Variants in SLC20A2 observed in about 807,000 individuals in gnomAD.
SLC20A2 encodes solute carrier family 20 member 2, also known as sodium-dependent phosphate transporter 2.
SLC20A2 carries 30 observed loss-of-function variants against 61.0 expected under a neutral mutation model. That is an observed-to-expected ratio of 0.49 (90% CI 0.37 to 0.67). SLC20A2 has a LOEUF of 0.67. Ranked by LOEUF, SLC20A2 falls within the 30% of genes least tolerant of loss-of-function variation. SLC20A2 has a pLI of 0.00. For synonymous variants in SLC20A2, 351 were observed against 353.3 expected (o/e 0.99, Z 0.07); for missense variants, 626 against 866.4 (o/e 0.72, Z 3.48).
Position 42,465,801 on chromosome 8 carries a change from G to A in SLC20A2, c.406C>T (p.Gln136Ter), listed in dbSNP as rs761822058. 6.2e-7 allele frequency: 1 copy of A among 1,610,012 alleles called. No individual in the cohort carries two copies. Among genetic ancestry groups the A allele is most frequent in the Non-Finnish European group, 8.5e-7 (1 of 1,178,368 alleles). ...SLVAIGTKGV[Q>*]WMELVKIVAS... Reference sequence around the variant, plus strand: ...CCAATCTTGACAAGCTCCATCCACTGCACACCTTTGGTACCGATTGCGACC... The same window carrying A: ...CCAATCTTGACAAGCTCCATCCACTACACACCTTTGGTACCGATTGCGACC... The change falls in exon 3 of 11, where the codon CAG becomes TAG. Residue 136 changes from glutamine to a stop codon, truncating the protein, a stop_gained. Transcript: ENST00000520262. LOFTEE classifies it high-confidence loss of function.
intron 1 of SLC20A2, among the ~76,000 whole-genome samples, chr8:42,481,286 T>G (rs1307405945): frequency 6.6e-6 from 1 of 152,194 alleles, no homozygotes; most frequent in East Asian, 1.9e-4. Flanking sequence ...GCTGCGTCAC[T>G]GAAAGTAGAT....
intron 10 of SLC20A2, 79 bp from the exon 11 acceptor site, chr8:42,418,046 A>C: frequency 5.4e-5 from 64 of 1,188,302 alleles, no homozygotes; most frequent in Middle Eastern, 2.8e-4. Context: ...GGCTAATCTC[A>C]GAAACAAGCT....
chr8:42,439,386 C>G (rs1030181118), intron 7 of SLC20A2, 64 bp downstream of exon 7: 2 of 1,519,974 alleles, frequency 1.3e-6, no homozygotes, highest in Non-Finnish European at 1.8e-6. Context: ...CCAGGCCCAG[C>G]TGGTCCTCCC....
intron 1 of SLC20A2, among the ~76,000 whole-genome samples, chr8:42,510,929 A>G (rs1418509181): frequency 1.3e-5 from 2 of 151,950 alleles, no homozygotes; most frequent in Non-Finnish European, 2.9e-5. Flanking sequence ...TTTTATATGT[A>G]AGCTATATAA....
intron 1 of SLC20A2, among the ~76,000 whole-genome samples, chr8:42,533,449 C>A (rs1383462625): frequency 6.6e-6 from 1 of 151,976 alleles, no homozygotes; most frequent in Non-Finnish European, 1.5e-5. Context: ...AACCCCGTCT[C>A]TACTAAAAAT....
At chr8:42,432,240 A>G (rs958382943) in intron 8 of SLC20A2, among the ~76,000 whole-genome samples, 23 of 152,210 alleles carry the variant, frequency 1.5e-4, no homozygotes, top group Non-Finnish European at 7.3e-5. Flanking sequence ...GCTGATTCCA[A>G]CTCTCACAGA....
At chr8:42,439,413 G>A (rs1804585340) in intron 7 of SLC20A2, 37 bp downstream of exon 7, 1 of 1,606,512 alleles carries the variant, frequency 6.2e-7, no homozygotes, top group South Asian at 1.1e-5. Context: ...ACTTCTCTGT[G>A]CTGCCACAGA....
intron 8 of SLC20A2, among the ~76,000 whole-genome samples, chr8:42,431,370 G>GAGAAC (rs1803858796): frequency 6.6e-6 from 1 of 152,158 alleles, no homozygotes; most frequent in South Asian, 2.1e-4. Flanking sequence ...CAAGGCCCTA[G>GAGAAC]TTCTCTTCAA....
intron 8 of SLC20A2, among the ~76,000 whole-genome samples, chr8:42,433,654 C>T (rs1804033471): frequency 1.3e-5 from 2 of 152,202 alleles, no homozygotes; most frequent in Non-Finnish European, 2.9e-5. Context: ...GCCTAATGTC[C>T]TCCAGGTTCA....
intron 1 of SLC20A2, among the ~76,000 whole-genome samples, chr8:42,482,756 T>C (rs190334788): frequency 8.5e-4 from 129 of 152,186 alleles, no homozygotes; most frequent in African/African-American, 2.9e-3. Flanking sequence ...CTGGGCACGA[T>C]GGCTTATGCC....
intron 1 of SLC20A2, among the ~76,000 whole-genome samples, chr8:42,517,616 C>T (rs1297174860): frequency 1.3e-5 from 2 of 152,136 alleles, no homozygotes; most frequent in Non-Finnish European, 2.9e-5. Context: ...ATGAAGCCCA[C>T]CATGGTCCTT....
chr8:42,535,589 T>C (rs1374016884), intron 1 of SLC20A2, among the ~76,000 whole-genome samples: 3 of 152,220 alleles, frequency 2.0e-5, no homozygotes, highest in East Asian at 3.8e-4. Flanking sequence ...AACTACTGAA[T>C]TGATGACTTG....
intron 5 of SLC20A2, among the ~76,000 whole-genome samples, chr8:42,445,344 G>A (rs1805129520): frequency 6.6e-6 from 1 of 151,676 alleles, no homozygotes; most frequent in Non-Finnish European, 1.5e-5. Flanking sequence ...TAACAACTGG[G>A]CACAAACAGC....
intron 5 of SLC20A2, among the ~76,000 whole-genome samples, chr8:42,454,444 C>T (rs534264130): frequency 6.6e-6 from 1 of 152,198 alleles, no homozygotes; most frequent in East Asian, 1.9e-4. Flanking sequence ...GTCCCTCGAA[C>T]GGAGATGCTA....
intron 1 of SLC20A2, among the ~76,000 whole-genome samples, chr8:42,479,717 C>T (rs1238700053): frequency 6.6e-6 from 1 of 151,934 alleles, no homozygotes; most frequent in Non-Finnish European, 1.5e-5. Flanking sequence ...CCCAGCCACT[C>T]GGGAGGCTGA....
chr8:42,468,424 G>A (rs563032692), intron 2 of SLC20A2, among the ~76,000 whole-genome samples: 2 of 152,298 alleles, frequency 1.3e-5, no homozygotes, highest in Admixed American at 6.5e-5. Context: ...AGGGAGGGGA[G>A]GAGACAGGGG....
chr8:42,472,363 C>T lies in SLC20A2; in HGVS notation c.28G>A (p.Val10Ile), dbSNP rs1807711164. 6.2e-7 allele frequency: 1 copy of T among 1,613,944 alleles called. No homozygotes were observed. ...AAAGCTATGATGAAACCCAAAATGA[C>T]CATCCACAAATACTCATCCATGGCC... MAMDEYLWM[V>I]ILGFIIAFIL... The change falls in exon 2 of 11, where the codon GTC (valine) becomes ATC (isoleucine). Residue 10 changes from valine to isoleucine, a missense_variant. Physicochemically the swap from Val to Ile is conservative, Grantham distance 29. Transcript: ENST00000520262. The surrounding 1 kb of genome is among the most constrained non-coding windows in gnomAD (Gnocchi z 4.1).
chr8:42,453,932 T>G (rs1308400000), intron 5 of SLC20A2, among the ~76,000 whole-genome samples: 1 of 152,228 alleles, frequency 6.6e-6, no homozygotes, highest in African/African-American at 2.4e-5. Flanking sequence ...ACGGTTGGCC[T>G]TCTCCGTCCA....
Position 42,472,337 on chromosome 8 carries a change from G to A in SLC20A2, c.54C>T (p.Phe18=). 6.2e-7 allele frequency: 1 copy of A among 1,614,202 alleles called. No individual in the cohort carries two copies. The change falls in exon 2 of 11, where the codon TTC becomes TTT. Residue 18 remains phenylalanine, a synonymous_variant. Transcript: ENST00000520262. This position sits in a 1 kb window ranked among gnomAD's most constrained non-coding sequence, Gnocchi z 4.1. ...WMVILGFIIA[F]ILAFSVGAND... ...TTGCACCAACAGAAAAGGCCAAGAT[G>A]AAAGCTATGATGAAACCCAAAATGA...
Sources: gnomAD v4.1 joint callset for allele counts (sites outside exome capture counted in the v4.1 genomes callset) on GRCh38, gnomAD v4.1.1 for gene constraint, Gnocchi (gnomAD v3.1) non-coding constraint, MANE v1.5 for transcripts, NCBI Gene and HGNC (gene_info 2026-07-23, HGNC 2026-07-21) for gene names.